The following TRANK1 variants were observed in gnomAD, a reference collection of about 807,000 sequenced individuals.
The protein encoded by TRANK1 is tetratricopeptide repeat and ankyrin repeat containing 1, also known as TPR and ankyrin repeat-containing protein 1.
A neutral mutation model predicts 266.0 loss-of-function variants in TRANK1; 198 were observed. That is an observed-to-expected ratio of 0.74 (90% CI 0.66 to 0.84). The LOEUF (loss-of-function observed/expected upper bound fraction) is 0.84. Among genes scored for constraint, TRANK1 ranks in the 40% least tolerant of loss-of-function variants. The pLI, the probability that TRANK1 is intolerant of heterozygous loss-of-function variation, is 0.00. For missense variants in TRANK1, 3,326 were observed against 3,634.6 expected (o/e 0.92, Z 2.18); for synonymous variants, 1,396 against 1,384.1 (o/e 1.01, Z -0.19).
At chr3:36,941,082 T>C (rs1321385816) in intron 1 of TRANK1, among the ~76,000 whole-genome samples, 3 of 152,210 alleles carry the variant, frequency 2.0e-5, no homozygotes, top group Non-Finnish European at 2.9e-5. Context: ...TCAAGGCTGC[T>C]GTCTGAGCAT....
Position 36,854,670 on chromosome 3 carries a change from T to G in TRANK1, c.4549+503A>C, listed in dbSNP as rs189000754. ...TGAAGATTAAGCACTATACGTAAAC[T>G]GTTTAGCATTGTGCCTGGCACAGAA... On this transcript the variant is annotated intron_variant, in intron 13 of 23. Coordinates refer to ENST00000645898, the MANE Select transcript of TRANK1 (RefSeq NM_001329998.2). Among the ~76,000 whole-genome samples, 161 of 152,280 alleles carry G rather than the reference T, an allele frequency of 1.1e-3. 1 individual carries two copies. The highest frequency in any genetic ancestry group is 3.7e-3 in the African/African-American group (153 of 41,552).
chr3:36,850,907 T>C (rs964060590), intron 15 of TRANK1: 3 of 985,404 alleles, frequency 3.0e-6, no homozygotes, highest in Non-Finnish European at 2.4e-6. Context: ...GCAAAGGAAG[T>C]CTGCAACAAG....
intron 5 of TRANK1, among the ~76,000 whole-genome samples, chr3:36,895,091 G>A (rs143398541): frequency 7.2e-5 from 11 of 152,346 alleles, no homozygotes; most frequent in Middle Eastern, 3.4e-3. Flanking sequence ...CAAAGGGGAA[G>A]TAATTAGCCC....
At position 36,831,330 on chromosome 3, in the gene TRANK1, G is replaced by A; in HGVS notation, c.8253C>T (p.Ala2751=). Residue 2751 remains alanine, a synonymous_variant, in exon 22 of 24, where the codon GCC becomes GCT. Coordinates refer to ENST00000645898, the MANE Select transcript of TRANK1 (RefSeq NM_001329998.2). This position sits in a 1 kb window ranked among gnomAD's most constrained non-coding sequence, Gnocchi z 5.0. ...GTQMERVREE[A]REPRAGNFKK... is the part of the protein sequence containing the mutation. ...TGAAGTTCCCAGCCCTGGGCTCCCTGGCCTCCTCCCTGACACGCTCCATCT... is the reference window on the plus strand; with the variant it reads ...TGAAGTTCCCAGCCCTGGGCTCCCTAGCCTCCTCCCTGACACGCTCCATCT... 1 of 1,613,508 alleles carries A rather than the reference G, an allele frequency of 6.2e-7. No homozygotes were observed. The highest frequency in any genetic ancestry group is 8.5e-7 in the Non-Finnish European group (1 of 1,179,778).
intron 4 of TRANK1, 91 bp downstream of exon 4, chr3:36,899,018 A>C: frequency 7.3e-7 from 1 of 1,372,400 alleles, no homozygotes; most frequent in African/African-American, 1.5e-5. Flanking sequence ...AGAAACACCC[A>C]GAAAGTATCT....
chr3:36,939,093 C>T (rs1031786627), intron 1 of TRANK1, among the ~76,000 whole-genome samples: 4 of 151,848 alleles, frequency 2.6e-5, no homozygotes, highest in African/African-American at 9.7e-5. Flanking sequence ...GCTGAGACCG[C>T]ACCACTGTAC....
At chr3:36,915,077 G>C (rs985628730) in intron 1 of TRANK1, among the ~76,000 whole-genome samples, 2 of 152,218 alleles carry the variant, frequency 1.3e-5, no homozygotes, top group Admixed American at 1.3e-4. Flanking sequence ...TCAGCCTCTT[G>C]AGGAGCTGGG....
intron 1 of TRANK1, among the ~76,000 whole-genome samples, chr3:36,929,628 C>T (rs2080334186): frequency 6.6e-6 from 1 of 152,202 alleles, no homozygotes; most frequent in South Asian, 2.1e-4. Flanking sequence ...ATTCCTACTT[C>T]ACCCCATGTG....
At chr3:36,844,525 C>T (rs1351799792) in intron 17 of TRANK1, among the ~76,000 whole-genome samples, 4 of 152,152 alleles carry the variant, frequency 2.6e-5, no homozygotes, top group Non-Finnish European at 4.4e-5. Context: ...CCACGCCCAG[C>T]CATATGATCT....
chr3:36,890,793 C>T (rs1443606552), intron 7 of TRANK1, among the ~76,000 whole-genome samples: 1 of 152,160 alleles, frequency 6.6e-6, no homozygotes, highest in African/African-American at 2.4e-5. Flanking sequence ...CAATTTGTCA[C>T]CATGTCAGAG....
In TRANK1 at chr3:36,856,959, C is replaced by T. The variant is rs376285966; in HGVS notation, c.2763G>A (p.Thr921=). 7.4e-6 allele frequency: 12 copies of T among 1,613,650 alleles called. No individual in the cohort carries two copies. The highest frequency in any genetic ancestry group is 1.6e-4 in the Middle Eastern group (1 of 6,084). ...TCTCCATTGCACACGTGTTCTGCTC[C>T]GTGGCAATGATCTTCTCAGGGTTCT... ...CSENPEKIIA[T]EQNTCAMEKS... The change falls in exon 13 of 24, where the codon ACG becomes ACA. Residue 921 remains threonine, a synonymous_variant. Transcript: ENST00000645898.
chr3:36,943,333 C>T (rs549146951), intron 1 of TRANK1, among the ~76,000 whole-genome samples: 11 of 152,180 alleles, frequency 7.2e-5, no homozygotes, highest in African/African-American at 2.4e-4. Context: ...ATATTACACA[C>T]ATATTATGCA....
At position 36,835,297 on chromosome 3, in the gene TRANK1, C is replaced by T. The variant is rs528504076; in HGVS notation, c.5518-390G>A. Among the ~76,000 whole-genome samples, 188 of 108,220 alleles carry T rather than the reference C, an allele frequency of 1.7e-3. 2 individuals carry two copies. The highest frequency in any genetic ancestry group is 5.3e-3 in the African/African-American group (147 of 27,612). 71.0% of individuals were successfully genotyped at this position (108,220 alleles called of 152,430 possible). A position where few individuals can be genotyped will look rare whatever the true frequency, so the allele number is the denominator to read the frequency against. On this transcript the variant is annotated intron_variant, in intron 20 of 23. Coordinates refer to ENST00000645898, the MANE Select transcript of TRANK1 (RefSeq NM_001329998.2). Reference sequence around the variant, plus strand: ...TCCCGCCACTGCACTCCAGCCTGGGCGACAGAGCGAGACTCCGTCTCAAAA... The same window carrying T: ...TCCCGCCACTGCACTCCAGCCTGGGTGACAGAGCGAGACTCCGTCTCAAAA...
chr3:36,882,770 TAA>T (rs2079549407), intron 8 of TRANK1, among the ~76,000 whole-genome samples: 1 of 152,154 alleles, frequency 6.6e-6, no homozygotes, highest in South Asian at 2.1e-4. Context: ...GAAGAATTCT[TAA>T]AAATTGAGGA....
intron 10 of TRANK1, among the ~76,000 whole-genome samples, chr3:36,862,353 A>T (rs2079154058): frequency 1.3e-5 from 2 of 152,116 alleles, no homozygotes; most frequent in South Asian, 4.1e-4. Context: ...TCTTAAAATG[A>T]ATATTCATTT....
chr3:36,834,997 T>A, intron 20 of TRANK1, 90 bp from the exon 21 acceptor site: 2 of 1,276,672 alleles, frequency 1.6e-6, no homozygotes, highest in Non-Finnish European at 2.1e-6. Flanking sequence ...AAGAGGATAG[T>A]CATATGTCTG....
chr3:36,912,549 G>C (rs1020956207), intron 1 of TRANK1, among the ~76,000 whole-genome samples: 4 of 152,206 alleles, frequency 2.6e-5, no homozygotes, highest in Non-Finnish European at 5.9e-5. Context: ...GTCTCTATGA[G>C]AATTCAAACT....
chr3:36,893,006 G>A, intron 5 of TRANK1, 22 bp from the exon 6 acceptor site: 1 of 1,444,486 alleles, frequency 6.9e-7, no homozygotes, highest in Non-Finnish European at 9.2e-7. Flanking sequence ...AGACAGAAAA[G>A]GCTGGAATAA....
chr3:36,930,154 A>G (rs1285493606), intron 1 of TRANK1, among the ~76,000 whole-genome samples: 1 of 152,232 alleles, frequency 6.6e-6, no homozygotes, highest in Non-Finnish European at 1.5e-5. Context: ...GATTATAGGC[A>G]TGAACCACTT....
Sources: gnomAD v4.1 joint callset for allele counts (sites outside exome capture counted in the v4.1 genomes callset) on GRCh38, gnomAD v4.1.1 for gene constraint, Gnocchi (gnomAD v3.1) non-coding constraint, MANE v1.5 for transcripts, NCBI Gene and HGNC (gene_info 2026-07-23, HGNC 2026-07-21) for gene names.